The following EXOC6B variants were observed in gnomAD, a reference collection of about 807,000 sequenced individuals.
EXOC6B encodes SEC15 homolog B.
EXOC6B carries 54 observed loss-of-function variants against 113.5 expected under a neutral mutation model. That is an observed-to-expected ratio of 0.48 (90% CI 0.38 to 0.60). The LOEUF is 0.60. EXOC6B is among the 20% of genes least tolerant of loss of function. The pLI is 0.00. For synonymous variants in EXOC6B, 357 were observed against 339.0 expected (o/e 1.05, Z -0.58); for missense variants, 797 against 977.5 (o/e 0.82, Z 2.46).
chr2:72,346,414 G>GTA (rs1359632977), intron 19 of EXOC6B, among the ~76,000 whole-genome samples: 2 of 152,126 alleles, frequency 1.3e-5, no homozygotes, highest in African/African-American at 4.8e-5. Flanking sequence ...ACATTTACCT[G>GTA]GAGAGAGGCA....
intron 20 of EXOC6B, among the ~76,000 whole-genome samples, chr2:72,225,941 T>C (rs1350581064): frequency 6.6e-6 from 1 of 152,100 alleles, no homozygotes; most frequent in Admixed American, 6.5e-5. Context: ...GCACATCAAA[T>C]TCCCTCCTCA....
At chr2:72,480,840 T>A (rs1464658275) in intron 16 of EXOC6B, 90 bp from the exon 17 acceptor site, 4 of 1,304,182 alleles carry the variant, frequency 3.1e-6, no homozygotes, top group Admixed American at 4.5e-5. Context: ...AAAACAAATG[T>A]AAGGCATAAT....
intron 20 of EXOC6B, among the ~76,000 whole-genome samples, chr2:72,268,621 C>G (rs1684286540): frequency 6.6e-6 from 1 of 151,962 alleles, no homozygotes. Flanking sequence ...AATGTGATAT[C>G]CAATGTAGGA....
At chr2:72,821,697 CA>C (rs1686589843) in intron 1 of EXOC6B, among the ~76,000 whole-genome samples, 1 of 151,846 alleles carries the variant, frequency 6.6e-6, no homozygotes, top group Admixed American at 6.6e-5. Context: ...ATTCAGTTAC[CA>C]AAAAAACCCA....
intron 12 of EXOC6B, among the ~76,000 whole-genome samples, 199 bp downstream of exon 12, chr2:72,499,702 G>GT (rs559407453): frequency 7.2e-4 from 110 of 151,906 alleles, no homozygotes; most frequent in Non-Finnish European, 1.3e-3. Context: ...GATTTTTTAT[G>GT]TTTTTATTTT....
chr2:72,493,518 T>C (rs1474058504), intron 15 of EXOC6B, among the ~76,000 whole-genome samples: 1 of 152,048 alleles, frequency 6.6e-6, no homozygotes. Context: ...TTTTGGGTCA[T>C]TTACATTGTC....
intron 20 of EXOC6B, among the ~76,000 whole-genome samples, chr2:72,305,914 T>C (rs900453982): frequency 2.0e-5 from 3 of 152,214 alleles, no homozygotes; most frequent in African/African-American, 7.2e-5. Flanking sequence ...GGTTACAATC[T>C]AGGTCTTAGA....
intron 8 of EXOC6B, among the ~76,000 whole-genome samples, chr2:72,525,286 T>C (rs1014874436): frequency 1.3e-5 from 2 of 152,122 alleles, no homozygotes; most frequent in Non-Finnish European, 2.9e-5. Flanking sequence ...TCTTTTATTA[T>C]CAGATTCAGT....
intron 6 of EXOC6B, among the ~76,000 whole-genome samples, chr2:72,645,606 G>A (rs897462131): frequency 4.6e-5 from 7 of 152,098 alleles, no homozygotes; most frequent in South Asian, 2.1e-4. Flanking sequence ...AGACCACAGC[G>A]CAATCAAATT....
intron 3 of EXOC6B, 132 bp from the exon 4 acceptor site, chr2:72,731,377 C>T (rs1050230153): frequency 7.4e-6 from 5 of 673,886 alleles, no homozygotes; most frequent in African/African-American, 7.3e-5. Flanking sequence ...GCCAAGTGAA[C>T]TAAGGAACTG....
At chr2:72,785,596 C>G (rs915793334) in intron 1 of EXOC6B, among the ~76,000 whole-genome samples, 1 of 152,236 alleles carries the variant, frequency 6.6e-6, no homozygotes, top group South Asian at 2.1e-4. Context: ...GGGCTTGCAC[C>G]CTCTGAAGCC....
chr2:72,493,329 C>CG (rs1210823986), intron 15 of EXOC6B, among the ~76,000 whole-genome samples: 2 of 145,762 alleles, frequency 1.4e-5, no homozygotes, highest in African/African-American at 5.4e-5. Context: ...TCCCCCCCCC[C>CG]CCCCCGCATT....
At chr2:72,222,852 A>T (rs988941646) in intron 20 of EXOC6B, among the ~76,000 whole-genome samples, 1 of 152,194 alleles carries the variant, frequency 6.6e-6, no homozygotes, top group Non-Finnish European at 1.5e-5. Context: ...GGCATCTCAC[A>T]TATTCATTAT....
chr2:72,240,114 A>G (rs1224738375), intron 20 of EXOC6B, among the ~76,000 whole-genome samples: 1 of 152,186 alleles, frequency 6.6e-6, no homozygotes, highest in Non-Finnish European at 1.5e-5. Context: ...ACATCATGTC[A>G]TCTACAAATA....
chr2:72,398,060 C>G lies in EXOC6B; in HGVS notation c.1981-18190G>C, dbSNP rs115842531. Among the ~76,000 whole-genome samples, 825 of 152,298 alleles carry G rather than the reference C, an allele frequency of 5.4e-3. 8 individuals are homozygous for G. The highest frequency in any genetic ancestry group is 0.019 in the African/African-American group (789 of 41,574). On this transcript the variant is annotated intron_variant, in intron 18 of 21. Coordinates refer to ENST00000272427, the MANE Select transcript of EXOC6B (RefSeq NM_015189.3). ...CTCAAATATTTGGTCAAACATGATT[C>G]TATAAGGGTGTCTTTGGATGAGATT...
At chr2:72,753,878 G>A (rs976932218) in intron 1 of EXOC6B, among the ~76,000 whole-genome samples, 7 of 151,988 alleles carry the variant, frequency 4.6e-5, no homozygotes, top group East Asian at 1.9e-4. Context: ...TTCCTAAAAC[G>A]TCTCTCCTTA....
intron 6 of EXOC6B, among the ~76,000 whole-genome samples, chr2:72,662,814 C>G (rs1052620162): frequency 6.6e-6 from 1 of 152,092 alleles, no homozygotes; most frequent in Non-Finnish European, 1.5e-5. Flanking sequence ...TCTCAGCTCA[C>G]CACAACCTCC....
intron 18 of EXOC6B, among the ~76,000 whole-genome samples, chr2:72,433,152 T>G (rs1695647679): frequency 6.6e-6 from 1 of 152,220 alleles, no homozygotes; most frequent in African/African-American, 2.4e-5. Flanking sequence ...CCAACATCAT[T>G]TATTAAATAG....
chr2:72,540,041 C>T (rs1246520670), intron 8 of EXOC6B, among the ~76,000 whole-genome samples: 1 of 145,614 alleles, frequency 6.9e-6, no homozygotes, highest in Admixed American at 7.2e-5. Context: ...AGAGAATATG[C>T]GGTGTTTGGT....
Sources: gnomAD v4.1 joint callset for allele counts (sites outside exome capture counted in the v4.1 genomes callset) on GRCh38, gnomAD v4.1.1 for gene constraint, MANE v1.5 for transcripts, NCBI Gene and HGNC (gene_info 2026-07-23, HGNC 2026-07-21) for gene names.